The following CYRIA variants were observed in gnomAD, a reference collection of about 807,000 sequenced individuals.
CYRIA encodes CYFIP-related Rac1 interactor A.
Under a neutral mutation model 43.9 loss-of-function variants are expected in CYRIA, and 15 were observed. That is an observed-to-expected ratio of 0.34 (90% CI 0.23 to 0.53). CYRIA has a LOEUF of 0.53. Among genes scored for constraint, CYRIA ranks in the 20% least tolerant of loss-of-function variants. CYRIA has a pLI of 0.94. For missense variants in CYRIA, 236 were observed against 394.2 expected, an observed-to-expected ratio of 0.60 and a Z score of 3.40; for synonymous variants, 117 against 136.0, an observed-to-expected ratio of 0.86 and a Z score of 0.97.
chr2:16,655,921 C>T (rs1200368647), intron 1 of CYRIA, among the ~76,000 whole-genome samples: 1 of 151,992 alleles, frequency 6.6e-6, no homozygotes. Flanking sequence ...GGATATTTCT[C>T]CCTAAGAAAT....
At chr2:16,560,334 C>T (rs1244619890) in intron 9 of CYRIA, among the ~76,000 whole-genome samples, 8 of 152,142 alleles carry the variant, frequency 5.3e-5, no homozygotes, top group Non-Finnish European at 1.2e-4. Flanking sequence ...ATAAGGTACT[C>T]TTGATGGCTT....
chr2:16,569,088 C>T (rs560427890), intron 3 of CYRIA, among the ~76,000 whole-genome samples: 1 of 152,308 alleles, frequency 6.6e-6, no homozygotes, highest in African/African-American at 2.4e-5. Flanking sequence ...ACAAGCTGCG[C>T]TCTCCATCCC....
rs1668799598 is a variant in CYRIA at position 16,616,514 on chromosome 2, A to G, written c.-11+7350T>C. Reference sequence around the variant, plus strand: ...CTCAGAGGACCTTCCTGCCTCTGGAATCCTAAGACCTTTCCTTGGTTGTCT... The same window carrying G: ...CTCAGAGGACCTTCCTGCCTCTGGAGTCCTAAGACCTTTCCTTGGTTGTCT... On this transcript the variant is annotated intron_variant, in intron 2 of 11. Transcript: ENST00000381323. Among the ~76,000 whole-genome samples, 4 of 152,140 alleles carry G rather than the reference A, an allele frequency of 2.6e-5. No individual in the cohort carries two copies. In the South Asian group the frequency reaches 8.3e-4, roughly 31 times the overall value.
chr2:16,603,732 C>T (rs968884593), intron 2 of CYRIA, among the ~76,000 whole-genome samples: 3 of 152,192 alleles, frequency 2.0e-5, no homozygotes, highest in African/African-American at 7.2e-5. Context: ...TTTTACACCA[C>T]CTTGTATTCC....
At chr2:16,614,102 C>T (rs1668696858) in intron 2 of CYRIA, among the ~76,000 whole-genome samples, 1 of 152,206 alleles carries the variant, frequency 6.6e-6, no homozygotes, top group Non-Finnish European at 1.5e-5. Flanking sequence ...GAATGAGTTT[C>T]TATAACTCAT....
intron 1 of CYRIA, among the ~76,000 whole-genome samples, chr2:16,649,853 C>T (rs1444273020): frequency 6.6e-6 from 1 of 152,148 alleles, no homozygotes; most frequent in Non-Finnish European, 1.5e-5. Context: ...CTTGGATGTA[C>T]CACTTCCCCT....
chr2:16,578,843 A>G (rs1667447029), intron 3 of CYRIA, among the ~76,000 whole-genome samples: 1 of 152,190 alleles, frequency 6.6e-6, no homozygotes, highest in Non-Finnish European at 1.5e-5. Flanking sequence ...GAAAACAGAA[A>G]AAGACATTTG....
chr2:16,577,048 A>C (rs570887702), intron 3 of CYRIA, among the ~76,000 whole-genome samples: 100 of 152,256 alleles, frequency 6.6e-4, no homozygotes, highest in Admixed American at 6.4e-3. Flanking sequence ...AATGGGTATA[A>C]AGTTTCCATT....
chr2:16,557,160 A>C (rs994194504), intron 10 of CYRIA, among the ~76,000 whole-genome samples: 5 of 152,122 alleles, frequency 3.3e-5, no homozygotes, highest in African/African-American at 4.8e-5. Context: ...CACAATTAGC[A>C]TTTCTTTAAT....
At chr2:16,638,457 C>T (rs1333671889) in intron 1 of CYRIA, among the ~76,000 whole-genome samples, 1 of 152,060 alleles carries the variant, frequency 6.6e-6, no homozygotes, top group Non-Finnish European at 1.5e-5. Context: ...GTGTGAATTC[C>T]ATGCACCACT....
At position 16,559,537 on chromosome 2, in the gene CYRIA, T is replaced by G; in HGVS notation, c.760A>C (p.Arg254=). 1 of 1,613,242 alleles carries G rather than the reference T, an allele frequency of 6.2e-7. No homozygotes were observed. Among genetic ancestry groups the G allele is most frequent in the Non-Finnish European group, 8.5e-7 (1 of 1,179,428 alleles). ...TSEETLMFCM[R]VMVGVIILYD... is the part of the protein sequence containing the mutation. ...AGGATGATGACTCCCACCATCACCC[T>G]CATGCAGAACATCAGGGTCTCTTCA... The change falls in exon 10 of 12, where the codon AGG becomes CGG. Residue 254 remains arginine (R), a synonymous_variant. Transcript: ENST00000381323.
At chr2:16,591,938 T>A (rs1667946965) in intron 2 of CYRIA, among the ~76,000 whole-genome samples, 1 of 152,050 alleles carries the variant, frequency 6.6e-6, no homozygotes, top group Non-Finnish European at 1.5e-5. Context: ...TCTTCAGAAA[T>A]CATTTCTAAG....
intron 3 of CYRIA, among the ~76,000 whole-genome samples, chr2:16,587,050 T>C (rs1256290099): frequency 6.6e-6 from 1 of 152,164 alleles, no homozygotes; most frequent in African/African-American, 2.4e-5. Context: ...TCATGATTCT[T>C]AAGCCATTTC....
intron 1 of CYRIA, among the ~76,000 whole-genome samples, chr2:16,662,456 C>T (rs1670282412): frequency 6.6e-6 from 1 of 152,208 alleles, no homozygotes; most frequent in Non-Finnish European, 1.5e-5. Context: ...GATGCACCTT[C>T]AACCACAGTT....
At chr2:16,654,518 G>T (rs1670052547) in intron 1 of CYRIA, among the ~76,000 whole-genome samples, 4 of 152,112 alleles carry the variant, frequency 2.6e-5, no homozygotes, top group Admixed American at 2.6e-4. Flanking sequence ...TAAAATTGTG[G>T]CCTGGAAGCA....
chr2:16,601,665 C>G (rs1400785279), intron 2 of CYRIA, among the ~76,000 whole-genome samples: 2 of 150,480 alleles, frequency 1.3e-5, no homozygotes, highest in South Asian at 4.2e-4. Flanking sequence ...CAGTGGAAAA[C>G]CATGACTCTC....
At chr2:16,606,802 G>A (rs1668415101) in intron 2 of CYRIA, among the ~76,000 whole-genome samples, 1 of 152,100 alleles carries the variant, frequency 6.6e-6, no homozygotes, top group Non-Finnish European at 1.5e-5. Flanking sequence ...ATCTAAGAAG[G>A]TTTTCAGATG....
intron 3 of CYRIA, among the ~76,000 whole-genome samples, chr2:16,577,250 C>T (rs536052271): frequency 7.2e-5 from 11 of 151,954 alleles, no homozygotes; most frequent in African/African-American, 1.7e-4. Flanking sequence ...GGTAAAAAAA[C>T]CTATTAAATG....
At chr2:16,593,774 G>A (rs1369489320) in intron 2 of CYRIA, among the ~76,000 whole-genome samples, 2 of 114,008 alleles carry the variant, frequency 1.8e-5, no homozygotes, top group Non-Finnish European at 3.4e-5. Context: ...TGTGCACATT[G>A]TGCAGGTTAG....
Sources: gnomAD v4.1 joint callset for allele counts (sites outside exome capture counted in the v4.1 genomes callset) on GRCh38, gnomAD v4.1.1 for gene constraint, MANE v1.5 for transcripts, NCBI Gene and HGNC (gene_info 2026-07-23, HGNC 2026-07-21) for gene names.